Variants in RCOR3 observed in about 807,000 individuals in gnomAD.
RCOR3 encodes REST corepressor 3.
RCOR3 carries 13 observed loss-of-function variants against 64.1 expected under a neutral mutation model. The ratio of observed to expected loss-of-function variants is 0.20; its 90% CI spans 0.13 to 0.32. The LOEUF is 0.32. RCOR3 is among the 10% of genes least tolerant of loss of function. The probability of loss-of-function intolerance (pLI) is 1.00; values close to 1 mark genes in which losing one functional copy is unlikely to be tolerated. For missense variants in RCOR3, 489 were observed against 701.2 expected, an observed-to-expected ratio of 0.70 and a Z score of 3.42; for synonymous variants, 215 against 239.0, an observed-to-expected ratio of 0.90 and a Z score of 0.93.
In RCOR3 at chr1:211,313,842, G is replaced by A; in HGVS notation, c.*74G>A. On this transcript the variant is annotated 3_prime_UTR_variant, in exon 12 of 12. Transcript: ENST00000419091. The surrounding 1 kb of genome is among the most constrained non-coding windows in gnomAD (Gnocchi z 4.7). Reference sequence around the variant, plus strand: ...CAGTGCTCATCTGACTGATGAAAAAGAGGAAAGAATAATCATTTCTAGATA... The same window carrying A: ...CAGTGCTCATCTGACTGATGAAAAAAAGGAAAGAATAATCATTTCTAGATA... 5 of 1,307,926 alleles carry A rather than the reference G, an allele frequency of 3.8e-6. No individual in the cohort carries two copies. Among genetic ancestry groups the A allele is most frequent in the Non-Finnish European group, 1.1e-6 (1 of 936,744 alleles). 81.0% of individuals were successfully genotyped at this position (1,307,926 alleles called of 1,614,324 possible). A position where few individuals can be genotyped will look rare whatever the true frequency, so the allele number is the denominator to read the frequency against.
At chr1:211,290,913 CCATGGT>C (rs1699170721) in intron 8 of RCOR3, among the ~76,000 whole-genome samples, 1 of 152,040 alleles carries the variant, frequency 6.6e-6, no homozygotes, top group East Asian at 1.9e-4. Flanking sequence ...GAAAGGTGGA[CCATGGT>C]CATATTTACA....
chr1:211,294,689 A>G (rs1699669212), intron 8 of RCOR3, among the ~76,000 whole-genome samples: 1 of 146,674 alleles, frequency 6.8e-6, no homozygotes, highest in African/African-American at 2.5e-5. Flanking sequence ...TCCTGGGTTC[A>G]CGCCATTCTG....
At chr1:211,284,350 G>T (rs1432657316) in intron 7 of RCOR3, among the ~76,000 whole-genome samples, 1 of 152,070 alleles carries the variant, frequency 6.6e-6, no homozygotes, top group Non-Finnish European at 1.5e-5. Context: ...AAAGTGCTGG[G>T]ATTACAGGCG....
In RCOR3 at chr1:211,272,770, C is replaced by T. The variant is rs1256171660; in HGVS notation, c.302-1440C>T. ...CCAAGTAGCTGGGACTACAGGCGCCCGCCACTACGCCCGGCTAATTTTTTG... is the reference window on the plus strand; with the variant it reads ...CCAAGTAGCTGGGACTACAGGCGCCTGCCACTACGCCCGGCTAATTTTTTG... On this transcript the variant is annotated intron_variant, in intron 3 of 11. Coordinates refer to ENST00000419091, the MANE Select transcript of RCOR3 (RefSeq NM_001136223.3). Among the ~76,000 whole-genome samples, 6 of 150,102 alleles carry T rather than the reference C, an allele frequency of 4.0e-5. No homozygotes were observed. The East Asian group carries it at 7.8e-4, about 19-fold the overall frequency.
chr1:211,268,976 T>G (rs1029773379), intron 2 of RCOR3, among the ~76,000 whole-genome samples: 1 of 152,184 alleles, frequency 6.6e-6, no homozygotes, highest in African/African-American at 2.4e-5. Context: ...TTTAATGATA[T>G]TATATTATTG....
rs1359364363 is a variant in RCOR3, at chr1:211,313,490, C to T, written c.1384C>T (p.Pro462Ser). Residue 462 changes from proline (P) to serine (S), a missense_variant, in exon 12 of 12, where the codon CCA (proline) becomes TCA (serine). Coordinates refer to ENST00000419091, the MANE Select transcript of RCOR3 (RefSeq NM_001136223.3). The surrounding 1 kb of genome is among the most constrained non-coding windows in gnomAD (Gnocchi z 4.7). ...TCCTGCCCCATCATCCACTCCAACA[C>T]CAACAGCCCCTATTGCCACTCTGAA... is the stretch of plus-strand genomic sequence containing the variant. The part of the protein sequence containing the change: ...SPPAPSSTPT[P>S]TAPIATLNQP... 4 of 1,614,056 alleles carry T rather than the reference C, an allele frequency of 2.5e-6. No homozygotes were observed. The highest frequency in any genetic ancestry group is 1.3e-5 in the African/African-American group (1 of 74,904).
chr1:211,298,781 C>T (rs1480527788), intron 9 of RCOR3, among the ~76,000 whole-genome samples: 2 of 151,580 alleles, frequency 1.3e-5, no homozygotes, highest in Non-Finnish European at 2.9e-5. Context: ...CCGAGGCGGG[C>T]GGATCACGAG....
chr1:211,308,687 T>TTG (rs1553264273), intron 10 of RCOR3, among the ~76,000 whole-genome samples: 64 of 64,822 alleles, frequency 9.9e-4, no homozygotes, highest in African/African-American at 2.0e-3. Flanking sequence ...TTTTTTTGTT[T>TTG]TTTTTTTTTT....
intron 2 of RCOR3, among the ~76,000 whole-genome samples, chr1:211,262,614 T>C (rs1014206408): frequency 2.0e-5 from 3 of 152,190 alleles, no homozygotes; most frequent in African/African-American, 7.2e-5. Flanking sequence ...TAGACAACTA[T>C]ATACAGTTCG....
intron 2 of RCOR3, among the ~76,000 whole-genome samples, chr1:211,263,341 C>T (rs1009790320): frequency 2.2e-4 from 34 of 151,972 alleles, no homozygotes; most frequent in African/African-American, 8.0e-4. Context: ...TAATATTTTG[C>T]CTATTTTGAA....
chr1:211,267,314 A>C (rs1374866184), intron 2 of RCOR3, among the ~76,000 whole-genome samples: 1 of 152,224 alleles, frequency 6.6e-6, no homozygotes, highest in Non-Finnish European at 1.5e-5. Flanking sequence ...TCATATTCTT[A>C]ACCATTGCAC....
At chr1:211,267,198 G>A (rs77825249) in intron 2 of RCOR3, among the ~76,000 whole-genome samples, 1 of 152,202 alleles carries the variant, frequency 6.6e-6, no homozygotes, top group Non-Finnish European at 1.5e-5. Flanking sequence ...TATTTTTAGA[G>A]AGAAGGAAAA....
intron 2 of RCOR3, among the ~76,000 whole-genome samples, chr1:211,269,204 C>G (rs1695743514): frequency 6.6e-6 from 1 of 152,168 alleles, no homozygotes; most frequent in African/African-American, 2.4e-5. Flanking sequence ...TGGCTAACAC[C>G]TGTCATCCCA....
rs1164491475 is a variant in RCOR3 at position 211,315,563 on chromosome 1, T to C, written c.*1795T>C. ...AAAAGCCACAGGGGACAGTTAAATA[T>C]CTTAAAATATCTAAAACATTTTTTA... On this transcript the variant is annotated 3_prime_UTR_variant, in exon 12 of 12. Coordinates refer to ENST00000419091, the MANE Select transcript of RCOR3 (RefSeq NM_001136223.3). 1 of 152,236 alleles carries C rather than the reference T, an allele frequency of 6.6e-6. No homozygotes were observed. The highest frequency in any genetic ancestry group is 2.4e-5 in the African/African-American group (1 of 41,470). 9.4% of individuals were successfully genotyped at this position (152,236 alleles called of 1,614,324 possible). A position where few individuals can be genotyped will look rare whatever the true frequency, so the allele number is the denominator to read the frequency against.
chr1:211,278,089 T>C (rs1383868946), intron 5 of RCOR3, 28 bp from the exon 6 acceptor site: 1 of 1,561,814 alleles, frequency 6.4e-7, no homozygotes, highest in Non-Finnish European at 8.7e-7. Flanking sequence ...GAATTAAACT[T>C]GCTGATATTA....
intron 8 of RCOR3, among the ~76,000 whole-genome samples, chr1:211,293,135 T>C (rs1465293522): frequency 3.0e-5 from 4 of 132,470 alleles, no homozygotes; most frequent in Non-Finnish European, 4.9e-5. Context: ...TAATTTTGTT[T>C]CCAAGGTATT....
chr1:211,297,549 T>C (rs567006730), intron 9 of RCOR3, among the ~76,000 whole-genome samples: 33 of 152,314 alleles, frequency 2.2e-4, no homozygotes, highest in Admixed American at 9.8e-4. Flanking sequence ...ATGCAGCTAT[T>C]GGGTGAGAAG....
chr1:211,308,931 C>T (rs1466373907), intron 10 of RCOR3, among the ~76,000 whole-genome samples: 2 of 151,488 alleles, frequency 1.3e-5, no homozygotes, highest in Non-Finnish European at 2.9e-5. Context: ...AGGCTGGTCT[C>T]GAACTCCTGA....
At chr1:211,268,125 A>G (rs887970705) in intron 2 of RCOR3, among the ~76,000 whole-genome samples, 1 of 152,178 alleles carries the variant, frequency 6.6e-6, no homozygotes, top group Non-Finnish European at 1.5e-5. Flanking sequence ...TCTTATTGTC[A>G]TGACCATTGT....
Sources: allele counts gnomAD v4.1 joint callset (sites outside exome capture counted in the v4.1 genomes callset), GRCh38; gene constraint gnomAD v4.1.1; non-coding constraint Gnocchi (gnomAD v3.1); transcripts MANE v1.5; gene names NCBI Gene and HGNC (gene_info 2026-07-23, HGNC 2026-07-21).